ADGRV1: variants seen among roughly 807,000 people sequenced by gnomAD.
The protein encoded by ADGRV1 is G-protein coupled receptor 98.
In ADGRV1, 359 loss-of-function variants were observed where a neutral mutation model predicts 596.2. That is an observed-to-expected ratio of 0.60 (90% CI 0.55 to 0.66). The LOEUF is 0.66. Among genes scored for constraint, ADGRV1 ranks in the 30% least tolerant of loss-of-function variants. The probability of loss-of-function intolerance (pLI) is 0.00; values close to 1 mark genes in which losing one functional copy is unlikely to be tolerated. For missense variants in ADGRV1, 7,274 were observed against 7,575.6 expected (o/e 0.96, Z 1.48); for synonymous variants, 2,681 against 2,679.2 (o/e 1.00, Z -0.02).
At chr5:91,088,692 AATATCTACC>A (rs1183023999) in intron 86 of ADGRV1, among the ~76,000 whole-genome samples, 1 of 152,162 alleles carries the variant, frequency 6.6e-6, no homozygotes, top group African/African-American at 2.4e-5. Flanking sequence ...AAGAAGCTCT[AATATCTACC>A]ATATATTTGC....
chr5:90,939,579 A>C (rs895488505), intron 83 of ADGRV1, among the ~76,000 whole-genome samples: 3 of 152,212 alleles, frequency 2.0e-5, no homozygotes, highest in Non-Finnish European at 4.4e-5. Context: ...ACAAGGATAT[A>C]AAGTACTATG....
intron 64 of ADGRV1, 130 bp downstream of exon 64, chr5:90,779,227 A>G: frequency 1.8e-6 from 1 of 564,798 alleles, no homozygotes; most frequent in Non-Finnish European, 3.1e-6. Flanking sequence ...TTTGTGTGAC[A>G]TTAGAACAGG....
At chr5:91,080,395 G>T (rs1789237136) in intron 86 of ADGRV1, among the ~76,000 whole-genome samples, 1 of 151,968 alleles carries the variant, frequency 6.6e-6, no homozygotes, top group South Asian at 2.1e-4. Flanking sequence ...TCAGTTGTGG[G>T]ATTAGAATCA....
chr5:91,012,483 C>A (rs1005340531), intron 85 of ADGRV1, among the ~76,000 whole-genome samples: 1 of 151,848 alleles, frequency 6.6e-6, no homozygotes, highest in African/African-American at 2.4e-5. Context: ...TAGCTGGGTT[C>A]TTTCCCCTAT....
chr5:90,790,615 G>T (rs1286032594), intron 69 of ADGRV1, among the ~76,000 whole-genome samples: 3 of 152,128 alleles, frequency 2.0e-5, no homozygotes, highest in Non-Finnish European at 4.4e-5. Flanking sequence ...TTGCTTCTCT[G>T]TGTCCCTTCA....
At chr5:90,844,815 T>C (rs1434926432) in intron 78 of ADGRV1, among the ~76,000 whole-genome samples, 2 of 152,212 alleles carry the variant, frequency 1.3e-5, no homozygotes, top group African/African-American at 2.4e-5. Flanking sequence ...TCTTAAGTTT[T>C]TTCCATGGTT....
intron 83 of ADGRV1, among the ~76,000 whole-genome samples, chr5:90,895,013 C>T (rs1391337742): frequency 9.2e-5 from 14 of 152,066 alleles, no homozygotes; most frequent in South Asian, 4.2e-4. Flanking sequence ...ATTGTAGCCT[C>T]GACTTTCTGA....
intron 65 of ADGRV1, 70 bp downstream of exon 65, chr5:90,781,648 G>A (rs540694317): frequency 5.6e-5 from 82 of 1,452,394 alleles, no homozygotes; most frequent in African/African-American, 2.5e-4. Flanking sequence ...TTGAATTTCC[G>A]TGTGTAAATT....
At chr5:90,808,661 A>G (rs998750389) in intron 73 of ADGRV1, among the ~76,000 whole-genome samples, 3 of 152,186 alleles carry the variant, frequency 2.0e-5, no homozygotes, top group African/African-American at 7.2e-5. Context: ...TTGGGAGGCC[A>G]CAGCAGGCAG....
intron 70 of ADGRV1, among the ~76,000 whole-genome samples, chr5:90,798,967 A>G (rs1015359179): frequency 3.3e-5 from 5 of 152,194 alleles, no homozygotes; most frequent in Non-Finnish European, 7.4e-5. Flanking sequence ...CACAACCAAT[A>G]TCATACTGAA....
intron 83 of ADGRV1, among the ~76,000 whole-genome samples, chr5:90,922,348 G>A (rs1773957474): frequency 6.6e-6 from 1 of 152,096 alleles, no homozygotes; most frequent in South Asian, 2.1e-4. Flanking sequence ...TGTGGCCTCT[G>A]AAATTTTTAT....
chr5:91,010,710 A>G (rs1281599462), intron 85 of ADGRV1, among the ~76,000 whole-genome samples: 1 of 151,978 alleles, frequency 6.6e-6, no homozygotes, highest in Non-Finnish European at 1.5e-5. Flanking sequence ...AAGTTAATCA[A>G]ATTTGCATCC....
intron 75 of ADGRV1, among the ~76,000 whole-genome samples, chr5:90,821,282 C>T (rs890506611): frequency 2.7e-5 from 4 of 150,906 alleles, no homozygotes; most frequent in Non-Finnish European, 5.9e-5. Flanking sequence ...CCTTTAAGCA[C>T]TTCTCTGTAT....
intron 86 of ADGRV1, chr5:91,091,606 C>G: frequency 6.6e-6 from 1 of 152,040 alleles, no homozygotes; most frequent in East Asian, 1.9e-4. Flanking sequence ...TAGGATTCTC[C>G]ATAGAAACAG....
intron 85 of ADGRV1, among the ~76,000 whole-genome samples, chr5:91,010,949 C>G (rs746861303): frequency 6.6e-6 from 1 of 151,862 alleles, no homozygotes. Context: ...CACTTAAACT[C>G]ACTATTTGAT....
At chr5:90,984,065 T>C (rs1244621815) in intron 84 of ADGRV1, among the ~76,000 whole-genome samples, 1 of 152,230 alleles carries the variant, frequency 6.6e-6, no homozygotes, top group Non-Finnish European at 1.5e-5. Flanking sequence ...ACTATGTATG[T>C]GCTCAGCACT....
intron 64 of ADGRV1, chr5:90,779,935 A>G (rs1758659774): frequency 1.3e-5 from 2 of 152,206 alleles, no homozygotes; most frequent in South Asian, 4.1e-4. Flanking sequence ...ACTTAAGTGT[A>G]TATCATCCCA....
intron 77 of ADGRV1, among the ~76,000 whole-genome samples, chr5:90,833,896 G>T (rs1033201894): frequency 2.6e-5 from 4 of 151,826 alleles, no homozygotes; most frequent in African/African-American, 9.7e-5. Flanking sequence ...TCATTCTCTT[G>T]TCTGATTGTC....
chr5:91,094,290 C>A (rs1016785986), intron 86 of ADGRV1, among the ~76,000 whole-genome samples: 1 of 151,964 alleles, frequency 6.6e-6, no homozygotes, highest in Non-Finnish European at 1.5e-5. Context: ...AAAACCCCAT[C>A]TCTACTAAAA....
Sources: allele counts gnomAD v4.1 joint callset (sites outside exome capture counted in the v4.1 genomes callset), GRCh38; gene constraint gnomAD v4.1.1; transcripts MANE v1.5; gene names NCBI Gene and HGNC (gene_info 2026-07-23, HGNC 2026-07-21).